B4GALNT3: variants seen among roughly 807,000 people sequenced by gnomAD.
B4GALNT3 encodes the protein beta-1,4-N-acetyl-galactosaminyltransferase 3, also known as beta-1,4-N-acetylgalactosaminyltransferase 3.
Under a neutral mutation model 120.2 loss-of-function variants are expected in B4GALNT3, and 86 were observed. The observed-to-expected ratio is 0.72, with a 90% CI of 0.60 to 0.86. B4GALNT3 has a LOEUF of 0.86. B4GALNT3 is among the 40% of genes least tolerant of loss of function. The pLI is 0.00. For synonymous variants in B4GALNT3, 518 were observed against 510.4 expected (o/e 1.01, Z -0.20); for missense variants, 1,167 against 1,298.9 (o/e 0.90, Z 1.56).
intron 1 of B4GALNT3, among the ~76,000 whole-genome samples, chr12:463,659 T>C (rs950472777): frequency 6.6e-6 from 1 of 152,196 alleles, no homozygotes; most frequent in Non-Finnish European, 1.5e-5. Flanking sequence ...CCTCTTGAAA[T>C]GGGGGCACAG....
chr12:493,000 T>C (rs1176748379), intron 1 of B4GALNT3, among the ~76,000 whole-genome samples: 1 of 152,006 alleles, frequency 6.6e-6, no homozygotes, highest in Non-Finnish European at 1.5e-5. Flanking sequence ...GACAACCACA[T>C]AGGAGAAAAC....
intron 1 of B4GALNT3, among the ~76,000 whole-genome samples, chr12:510,770 T>TG (rs1946539993): frequency 6.6e-6 from 1 of 151,854 alleles, no homozygotes; most frequent in Non-Finnish European, 1.5e-5. Flanking sequence ...CCCCAGATGT[T>TG]GAAGTGGAAA....
intron 9 of B4GALNT3, among the ~76,000 whole-genome samples, chr12:549,438 A>G (rs2120712722): frequency 6.6e-6 from 1 of 152,362 alleles, no homozygotes; most frequent in Non-Finnish European, 1.5e-5. Flanking sequence ...GCTTATTATT[A>G]AGTGCTCTGT....
chr12:557,255 G>C (rs1257348543), intron 15 of B4GALNT3, among the ~76,000 whole-genome samples: 4 of 152,164 alleles, frequency 2.6e-5, no homozygotes, highest in Non-Finnish European at 4.4e-5. Flanking sequence ...TAACAACAGA[G>C]GTAGGATGAT....
chr12:558,722 A>G (rs1304448660), intron 18 of B4GALNT3, 61 bp downstream of exon 18: 3 of 1,558,736 alleles, frequency 1.9e-6, no homozygotes, highest in Non-Finnish European at 2.6e-6. Context: ...TCTTAACTCC[A>G]GAGCTGGGAA....
chr12:468,725 G>C (rs1342709663), intron 1 of B4GALNT3, among the ~76,000 whole-genome samples: 1 of 152,222 alleles, frequency 6.6e-6, no homozygotes, highest in Non-Finnish European at 1.5e-5. Flanking sequence ...CTAATTTAGA[G>C]ACCTAGCCCC....
At chr12:469,077 G>T (rs142988129) in intron 1 of B4GALNT3, among the ~76,000 whole-genome samples, 47 of 152,304 alleles carry the variant, frequency 3.1e-4, no homozygotes, top group Admixed American at 8.5e-4. Context: ...TAAACTTAAA[G>T]CAGAATGTTT....
At position 498,105 on chromosome 12, in the gene B4GALNT3, C is replaced by T. The variant is rs375333837; in HGVS notation, c.170-37061C>T. On this transcript the variant is annotated intron_variant, in intron 1 of 19. Coordinates refer to ENST00000266383, the MANE Select transcript of B4GALNT3 (RefSeq NM_173593.4). ...CGCCCCTTCACTGCCCTGTCGGTTG[C>T]GAAGTTCTTCATGCTGTCTCCTGGG... 5.6e-4 allele frequency among the ~76,000 whole-genome samples: 86 copies of T among 152,226 alleles called. 6 individuals carry two copies. The highest frequency in any genetic ancestry group is 1.5e-3 in the African/African-American group (64 of 41,542).
intron 1 of B4GALNT3, among the ~76,000 whole-genome samples, chr12:512,204 TCCAC>T (rs1291994821): frequency 1.2e-5 from 1 of 86,352 alleles, no homozygotes; most frequent in African/African-American, 6.0e-5. Flanking sequence ...CCTTCCACCT[TCCAC>T]CTTCCACCTT....
intron 1 of B4GALNT3, among the ~76,000 whole-genome samples, chr12:499,652 G>A (rs1168069915): frequency 2.7e-4 from 32 of 117,316 alleles, no homozygotes; most frequent in African/African-American, 1.0e-3. Flanking sequence ...CGTGGAGCCC[G>A]TGCTCTCACT....
chr12:551,573 T>A (rs761771025), intron 11 of B4GALNT3, among the ~76,000 whole-genome samples: 17 of 152,170 alleles, frequency 1.1e-4, no homozygotes, highest in Non-Finnish European at 2.2e-4. Context: ...TCAGGAGGCA[T>A]CACCAGGTCA....
chr12:475,793 C>A (rs140879093), intron 1 of B4GALNT3, among the ~76,000 whole-genome samples: 1 of 152,130 alleles, frequency 6.6e-6, no homozygotes, highest in Non-Finnish European at 1.5e-5. Context: ...TCTTGCGTGT[C>A]CCAGCTAGGT....
chr12:486,893 AT>A (rs1330449600), intron 1 of B4GALNT3, among the ~76,000 whole-genome samples: 2 of 152,178 alleles, frequency 1.3e-5, no homozygotes, highest in African/African-American at 4.8e-5. Context: ...GAGGCCAGAC[AT>A]TTTTTTAAAC....
intron 1 of B4GALNT3, among the ~76,000 whole-genome samples, chr12:518,779 T>A (rs1241008425): frequency 6.6e-6 from 1 of 152,264 alleles, no homozygotes; most frequent in Non-Finnish European, 1.5e-5. Flanking sequence ...TACATAGCAT[T>A]GTAAATAGTT....
chr12:479,100 A>T (rs368094469), intron 1 of B4GALNT3, among the ~76,000 whole-genome samples: 1 of 152,218 alleles, frequency 6.6e-6, no homozygotes, highest in Non-Finnish European at 1.5e-5. Context: ...AGCTCCAGGT[A>T]GGGGATGTAG....
chr12:552,753 G>A, intron 13 of B4GALNT3: 1 of 575,504 alleles, frequency 1.7e-6, no homozygotes, highest in African/African-American at 1.9e-5. Context: ...GCTGGGGTCA[G>A]CTGGAGGAGA....
intron 1 of B4GALNT3, among the ~76,000 whole-genome samples, chr12:504,813 C>A (rs1209111991): frequency 2.0e-5 from 3 of 152,114 alleles, no homozygotes; most frequent in African/African-American, 4.8e-5. Flanking sequence ...ATTCCCTTAA[C>A]CCTTCTGTCT....
intron 1 of B4GALNT3, among the ~76,000 whole-genome samples, chr12:514,857 C>T (rs1010140479): frequency 1.2e-4 from 18 of 151,898 alleles, no homozygotes; most frequent in Non-Finnish European, 1.8e-4. Flanking sequence ...GGTGAAACCT[C>T]GTCTCCACTA....
intron 1 of B4GALNT3, among the ~76,000 whole-genome samples, chr12:504,967 T>C (rs1001172161): frequency 2.0e-5 from 3 of 151,902 alleles, no homozygotes; most frequent in Non-Finnish European, 4.4e-5. Flanking sequence ...CTCGGCTCAC[T>C]GCAACCTCCG....
Sources: allele counts gnomAD v4.1 joint callset (sites outside exome capture counted in the v4.1 genomes callset), GRCh38; gene constraint gnomAD v4.1.1; transcripts MANE v1.5; gene names NCBI Gene and HGNC (gene_info 2026-07-23, HGNC 2026-07-21).